GAK: variants seen among roughly 807,000 people sequenced by gnomAD.
GAK encodes cyclin-G-associated kinase.
Under a neutral mutation model 143.9 loss-of-function variants are expected in GAK, and 79 were observed. The ratio of observed to expected loss-of-function variants is 0.55; its 90% CI spans 0.46 to 0.66. GAK has a LOEUF of 0.66. Among genes scored for constraint, GAK ranks in the 30% least tolerant of loss-of-function variants. The probability of loss-of-function intolerance (pLI) is 0.00; values close to 1 mark genes in which losing one functional copy is unlikely to be tolerated. For synonymous variants in GAK, 881 were observed against 765.5 expected, an observed-to-expected ratio of 1.15 and a Z score of -2.49; for missense variants, 1,693 against 1,779.7, an observed-to-expected ratio of 0.95 and a Z score of 0.88.
intron 11 of GAK, among the ~76,000 whole-genome samples, chr4:884,848 A>G (rs1331541227): frequency 6.6e-6 from 1 of 152,192 alleles, no homozygotes; most frequent in Non-Finnish European, 1.5e-5. Context: ...AACCTCAGCT[A>G]GGCACATCGC....
chr4:918,602 G>A (rs1402302961), intron 1 of GAK, among the ~76,000 whole-genome samples: 8 of 152,222 alleles, frequency 5.3e-5, no homozygotes, highest in African/African-American at 9.7e-5. Context: ...GTCATTCCAC[G>A]ATGCATATAT....
At position 901,878 on chromosome 4, in the gene GAK, C is replaced by T. The variant is rs144672570; in HGVS notation, c.525+2759G>A. On this transcript the variant is annotated intron_variant, in intron 5 of 27. Transcript: ENST00000314167. ...TGGGAAAACCAGGGAAGGCTGAGAA[C>T]AGGAGGGCAAGAGACAAGGCTCGGT... Among the ~76,000 whole-genome samples the T allele has an allele frequency of 9.8e-3, 1,492 of 152,320 alleles. 27 individuals are homozygous for T. Among genetic ancestry groups the T allele is most frequent in the African/African-American group, 0.033 (1,359 of 41,566 alleles).
intron 15 of GAK, 59 bp from the exon 16 acceptor site, chr4:877,868 G>A (rs1714289296): frequency 3.5e-6 from 5 of 1,446,454 alleles, no homozygotes; most frequent in Non-Finnish European, 4.6e-6. Context: ...CCACACAGCT[G>A]ATTTTGTCTT....
At chr4:900,693 C>T (rs1440108822) in intron 5 of GAK, among the ~76,000 whole-genome samples, 5 of 152,130 alleles carry the variant, frequency 3.3e-5, no homozygotes, top group Non-Finnish European at 1.5e-5. Context: ...GGGCCTCAGG[C>T]GCATGGGTTT....
intron 9 of GAK, among the ~76,000 whole-genome samples, 175 bp downstream of exon 9, chr4:893,202 C>A (rs112166801): frequency 1.5e-4 from 23 of 150,786 alleles, no homozygotes; most frequent in South Asian, 1.0e-3. Context: ...CTGGGGCTCA[C>A]GTGTGCCTCC....
At chr4:923,240 G>A (rs919171922) in intron 1 of GAK, among the ~76,000 whole-genome samples, 1 of 152,052 alleles carries the variant, frequency 6.6e-6, no homozygotes, top group Non-Finnish European at 1.5e-5. Context: ...ACAGCCGCGT[G>A]GGAACCTACA....
At chr4:902,545 G>A (rs2152900473) in intron 5 of GAK, among the ~76,000 whole-genome samples, 1 of 143,126 alleles carries the variant, frequency 7.0e-6, no homozygotes, top group African/African-American at 2.7e-5. Context: ...AGGCGGCAGT[G>A]AGCCCCGTCA....
chr4:861,165 C>T (rs1192857450), intron 23 of GAK, among the ~76,000 whole-genome samples: 1 of 152,176 alleles, frequency 6.6e-6, no homozygotes, highest in African/African-American at 2.4e-5. Flanking sequence ...CCCCGAGACA[C>T]AACTTTACTG....
intron 22 of GAK, among the ~76,000 whole-genome samples, chr4:865,805 G>A (rs192678658): frequency 6.6e-6 from 1 of 152,242 alleles, no homozygotes; most frequent in African/African-American, 2.4e-5. Flanking sequence ...TCAGGAGAGA[G>A]AACCCAGGCT....
Position 881,843 on chromosome 4 carries a change from C to T in GAK, c.1661+64G>A, listed in dbSNP as rs547972742. 96 of 1,500,502 alleles carry T rather than the reference C, an allele frequency of 6.4e-5. 6 individuals carry two copies. The highest frequency in any genetic ancestry group is 4.5e-4 in the Middle Eastern group (2 of 4,414). The allele number at this position is 1,500,502 out of a possible 1,614,324, so 92.9% of individuals were successfully genotyped here. ...ACTGGCCCTCCAGGAGACACCACAG[C>T]GGGGGCGGCAGTGCCACACGGGCCC... On this transcript the variant is annotated intron_variant, in intron 15 of 27. Transcript: ENST00000314167.
At chr4:859,368 G>A (rs776691725) in intron 24 of GAK, 1 of 1,464,350 alleles carries the variant, frequency 6.8e-7, no homozygotes, top group Non-Finnish European at 9.1e-7. Flanking sequence ...GCACCACAAT[G>A]CCGGTGGGGG....
At chr4:882,390 C>G (rs1054542746) in intron 14 of GAK, among the ~76,000 whole-genome samples, 1 of 152,142 alleles carries the variant, frequency 6.6e-6, no homozygotes, top group East Asian at 1.9e-4. Context: ...AGCTGCAGAT[C>G]GGGAAACTGG....
At chr4:883,601 GC>G (rs1189652099) in intron 12 of GAK, 138 bp from the exon 13 acceptor site, 4 of 963,358 alleles carry the variant, frequency 4.2e-6, no homozygotes, top group Non-Finnish European at 4.7e-6. Flanking sequence ...CACACAGCCG[GC>G]CCCCTCACCC....
intron 17 of GAK, 126 bp downstream of exon 17, chr4:876,964 C>T: frequency 1.5e-6 from 1 of 662,984 alleles, no homozygotes; most frequent in Non-Finnish European, 2.6e-6. Context: ...CACATGAGAG[C>T]CCACGGCACT....
chr4:890,454 T>A, intron 10 of GAK, 78 bp downstream of exon 10: 1 of 1,100,092 alleles, frequency 9.1e-7, no homozygotes, highest in Non-Finnish European at 1.3e-6. Flanking sequence ...GACCCCAGAC[T>A]CCATCCCAAT....
chr4:923,378 ACAGGCACAGGC>A (rs1443928072), intron 1 of GAK, among the ~76,000 whole-genome samples: 6 of 152,194 alleles, frequency 3.9e-5, no homozygotes, highest in African/African-American at 1.4e-4. Flanking sequence ...CAATTAAGGA[ACAGGCACAGGC>A]CAGGCACAGT....
At chr4:861,712 T>A (rs553308448) in intron 23 of GAK, among the ~76,000 whole-genome samples, 1 of 152,332 alleles carries the variant, frequency 6.6e-6, no homozygotes, top group East Asian at 1.9e-4. Context: ...ACACGAATGA[T>A]ACGAACACAA....
At chr4:899,264 G>A (rs1165756426) in intron 5 of GAK, among the ~76,000 whole-genome samples, 1 of 152,254 alleles carries the variant, frequency 6.6e-6, no homozygotes, top group African/African-American at 2.4e-5. Flanking sequence ...AGATAGGGAA[G>A]GAGCGGCTTC....
intron 15 of GAK, among the ~76,000 whole-genome samples, chr4:878,525 C>T (rs910414850): frequency 5.9e-5 from 9 of 152,176 alleles, no homozygotes; most frequent in Admixed American, 3.3e-4. Flanking sequence ...TTGGGTGGAA[C>T]GTCCTAGAAC....
Sources: allele counts gnomAD v4.1 joint callset (sites outside exome capture counted in the v4.1 genomes callset), GRCh38; gene constraint gnomAD v4.1.1; transcripts MANE v1.5; gene names NCBI Gene and HGNC (gene_info 2026-07-23, HGNC 2026-07-21).